CYP20A1: variants seen among roughly 807,000 people sequenced by gnomAD.
CYP20A1 encodes cytochrome P450 20A1.
CYP20A1 carries 61 observed loss-of-function variants against 61.4 expected under a neutral mutation model. The observed-to-expected ratio is 0.99, with a 90% CI of 0.81 to 1.23. The LOEUF is 1.23. Ranked by LOEUF, CYP20A1 falls within the 50% of genes most tolerant of loss-of-function variation. The probability of loss-of-function intolerance (pLI) is 0.00; values close to 1 mark genes in which losing one functional copy is unlikely to be tolerated. For missense variants in CYP20A1, 530 were observed against 542.4 expected, an observed-to-expected ratio of 0.98 and a Z score of 0.23; for synonymous variants, 193 against 188.2, an observed-to-expected ratio of 1.03 and a Z score of -0.21.
intron 8 of CYP20A1, 22 bp from the exon 9 acceptor site, chr2:203,285,590 A>G: frequency 7.2e-6 from 11 of 1,531,152 alleles, no homozygotes; most frequent in Non-Finnish European, 9.6e-6. Flanking sequence ...TTTCATTGTT[A>G]TTCATATAAT....
At chr2:203,284,798 T>C (rs376715791) in intron 8 of CYP20A1, among the ~76,000 whole-genome samples, 1 of 139,218 alleles carries the variant, frequency 7.2e-6, no homozygotes, top group African/African-American at 2.8e-5. Flanking sequence ...CAGGGTGGAG[T>C]GCAGTGGCAC....
chr2:203,247,397 G>T (rs2066499029), intron 3 of CYP20A1, among the ~76,000 whole-genome samples: 1 of 152,138 alleles, frequency 6.6e-6, no homozygotes, highest in African/African-American at 2.4e-5. Context: ...CCTAATTTAA[G>T]ATAGTATTTT....
At chr2:203,287,215 CAAAAAAAAAAA>C (rs1168549640) in intron 9 of CYP20A1, among the ~76,000 whole-genome samples, 2 of 47,070 alleles carry the variant, frequency 4.2e-5, no homozygotes, top group South Asian at 1.1e-3. Context: ...GACCCTATCT[CAAAAAAAAAAA>C]AAAAAAAAAA....
intron 11 of CYP20A1, among the ~76,000 whole-genome samples, chr2:203,295,865 C>T (rs940637429): frequency 1.3e-5 from 2 of 152,080 alleles, no homozygotes; most frequent in Non-Finnish European, 2.9e-5. Context: ...AGGAGAATTG[C>T]TTGAACCTGG....
chr2:203,261,086 A>T lies in CYP20A1; in HGVS notation c.433-5428A>T, dbSNP rs115207521. ...GAGAAAGTTTTATATTAAGAATTATAGGCTGAGCATGGTGGCTCACATCTG... is the reference window on the plus strand; with the variant it reads ...GAGAAAGTTTTATATTAAGAATTATTGGCTGAGCATGGTGGCTCACATCTG... On this transcript the variant is annotated intron_variant, in intron 4 of 12. Transcript: ENST00000356079. Among the ~76,000 whole-genome samples the T allele has an allele frequency of 3.9e-3, 589 of 152,156 alleles. 3 individuals are homozygous for T. Among genetic ancestry groups the T allele is most frequent in the African/African-American group, 0.013 (541 of 41,524 alleles).
At position 203,297,639 on chromosome 2, in the gene CYP20A1, C is replaced by T. The variant is rs1000065184; in HGVS notation, c.*731C>T. 7 of 150,140 alleles carry T rather than the reference C, an allele frequency of 4.7e-5. No individual in the cohort carries two copies. Among genetic ancestry groups the T allele is most frequent in the South Asian group, 4.2e-4 (2 of 4,742 alleles). The allele number at this position is 150,140 out of a possible 1,614,324, so 9.3% of individuals were successfully genotyped here. On this transcript the variant is annotated 3_prime_UTR_variant, in exon 13 of 13. Transcript: ENST00000356079. ...GGTGGATCACCTGAGGTCCGAAGTT[C>T]GAGGCCAGCCTGGCCAACAGGATGA...
At position 203,251,793 on chromosome 2, in the gene CYP20A1, GTATA is replaced by G. The variant is rs34020768; in HGVS notation, c.290-153_290-150del. Among the ~76,000 whole-genome samples the G allele has an allele frequency of 6.9e-3, 441 of 64,212 alleles. 34 individuals carry two copies. The highest frequency in any genetic ancestry group is 0.016 in the African/African-American group (399 of 24,508). 42.1% of individuals were successfully genotyped at this position (64,212 alleles called of 152,430 possible). On this transcript the variant is annotated intron_variant, in intron 3 of 12. Coordinates refer to ENST00000356079, the MANE Select transcript of CYP20A1 (RefSeq NM_177538.3). ...TCAAAAGAAAACTATATATATATGT[GTATA>G]TATATATATATATATATATAAAAAA... is the stretch of plus-strand genomic sequence containing the variant.
rs990454970 is a variant in CYP20A1, at chr2:203,302,589, C to A, written c.*5681C>A. Among the ~76,000 whole-genome samples the A allele has an allele frequency of 1.3e-5, 2 of 152,146 alleles. No individual in the cohort carries two copies. The highest frequency in any genetic ancestry group is 4.8e-5 in the African/African-American group (2 of 41,442). On this transcript the variant is annotated 3_prime_UTR_variant, in exon 13 of 13. Transcript: ENST00000356079. ...GCATATGTAATTTATATATATTATA[C>A]AAAATATTATTTGCATTTAACATAT...
chr2:203,291,775 C>T (rs1023754335), intron 10 of CYP20A1, among the ~76,000 whole-genome samples: 1 of 151,850 alleles, frequency 6.6e-6, no homozygotes, highest in Non-Finnish European at 1.5e-5. Context: ...TGTGCTGCAC[C>T]CATTAACTCG....
At chr2:203,294,940 AATTTTTTTT>A (rs2068716752) in intron 11 of CYP20A1, among the ~76,000 whole-genome samples, 1 of 91,250 alleles carries the variant, frequency 1.1e-5, no homozygotes, top group Non-Finnish European at 2.0e-5. Context: ...CCTTTAAAAA[AATTTTTTTT>A]TTTTTTTTTT....
At chr2:203,246,715 AT>A (rs2066469176) in intron 2 of CYP20A1, 39 bp from the exon 3 acceptor site, 1 of 1,572,550 alleles carries the variant, frequency 6.4e-7, no homozygotes, top group Non-Finnish European at 8.6e-7. Flanking sequence ...ATTTTTCCAA[AT>A]TAAATTGATT....
At chr2:203,289,938 G>GTA in intron 10 of CYP20A1, 62 bp downstream of exon 10, 1 of 758,380 alleles carries the variant, frequency 1.3e-6, no homozygotes, top group Non-Finnish European at 2.1e-6. Context: ...GTGTGTGTGT[G>GTA]TGTATATATA....
Position 203,300,011 on chromosome 2 carries a change from GGTTA to G in CYP20A1, c.*3105_*3108del, listed in dbSNP as rs1316043866. Reference sequence around the variant, plus strand: ...AATGGGTTGGAAACTGGCGGTAGAAGGTTAGAGTAGCCAATTGATATGTAAACCA... The same window carrying G: ...AATGGGTTGGAAACTGGCGGTAGAAGGAGTAGCCAATTGATATGTAAACCA... On this transcript the variant is annotated 3_prime_UTR_variant, in exon 13 of 13. Coordinates refer to ENST00000356079, the MANE Select transcript of CYP20A1 (RefSeq NM_177538.3). 6.6e-6 allele frequency among the ~76,000 whole-genome samples: 1 copy of G among 152,228 alleles called. No individual in the cohort carries two copies. The highest frequency in any genetic ancestry group is 1.5e-5 in the Non-Finnish European group (1 of 68,034).
chr2:203,295,272 G>A (rs201576170), intron 11 of CYP20A1, among the ~76,000 whole-genome samples: 3 of 151,386 alleles, frequency 2.0e-5, no homozygotes, highest in African/African-American at 7.3e-5. Context: ...ATGAGGTCTC[G>A]CTATGTTGCC....
At chr2:203,249,483 AT>A (rs2066580116) in intron 3 of CYP20A1, among the ~76,000 whole-genome samples, 1 of 152,212 alleles carries the variant, frequency 6.6e-6, no homozygotes, top group Non-Finnish European at 1.5e-5. Flanking sequence ...CCATGACAAA[AT>A]TTAAAAGAGA....
intron 6 of CYP20A1, 68 bp from the exon 7 acceptor site, chr2:203,278,505 A>G: frequency 1.6e-6 from 1 of 630,702 alleles, no homozygotes; most frequent in Non-Finnish European, 2.6e-6. Context: ...ATTGCACAGA[A>G]TTATTTTTTT....
At chr2:203,251,398 T>G (rs2066665746) in intron 3 of CYP20A1, among the ~76,000 whole-genome samples, 2 of 152,116 alleles carry the variant, frequency 1.3e-5, no homozygotes, top group South Asian at 4.2e-4. Context: ...ATGTCTGTAT[T>G]AATGACTTAA....
intron 10 of CYP20A1, among the ~76,000 whole-genome samples, chr2:203,290,929 C>T (rs1363433935): frequency 6.6e-6 from 1 of 152,178 alleles, no homozygotes; most frequent in Non-Finnish European, 1.5e-5. Flanking sequence ...AGGCATGAGC[C>T]ACCATGCCCA....
intron 6 of CYP20A1, among the ~76,000 whole-genome samples, chr2:203,276,651 G>A (rs562653872): frequency 2.6e-5 from 4 of 152,162 alleles, no homozygotes; most frequent in South Asian, 2.1e-4. Context: ...GGAGGTTGTC[G>A]GGAAATAAGA....
Sources: allele counts gnomAD v4.1 joint callset (sites outside exome capture counted in the v4.1 genomes callset), GRCh38; gene constraint gnomAD v4.1.1; transcripts MANE v1.5; gene names NCBI Gene and HGNC (gene_info 2026-07-23, HGNC 2026-07-21).